The following PHLPP2 variants were observed in gnomAD, a reference collection of about 807,000 sequenced individuals.
The protein encoded by PHLPP2 is PH domain leucine-rich repeat-containing protein phosphatase 2.
PHLPP2 carries 66 observed loss-of-function variants against 124.9 expected under a neutral mutation model. That is an observed-to-expected ratio of 0.53 (90% confidence interval 0.43 to 0.65). The LOEUF (loss-of-function observed/expected upper bound fraction) is 0.65, where lower values mean the gene tolerates loss of function less well. Among genes scored for constraint, PHLPP2 ranks in the 30% least tolerant of loss-of-function variants. The pLI, the probability that PHLPP2 is intolerant of heterozygous loss-of-function variation, is 0.00. For missense variants in PHLPP2, 1,685 were observed against 1,600.4 expected (o/e 1.05, Z -0.90); for synonymous variants, 681 against 624.7 (o/e 1.09, Z -1.34).
intron 2 of PHLPP2, among the ~76,000 whole-genome samples, chr16:71,712,041 G>A (rs1248537990): frequency 6.6e-6 from 1 of 152,222 alleles, no homozygotes; most frequent in African/African-American, 2.4e-5. Context: ...CCTTGAGCAG[G>A]TTACTGAATC....
At chr16:71,693,095 C>A (rs1166175245) in intron 3 of PHLPP2, among the ~76,000 whole-genome samples, 1 of 152,046 alleles carries the variant, frequency 6.6e-6, no homozygotes. Flanking sequence ...TCAAGACCAG[C>A]CTGACCAACA....
intron 17 of PHLPP2, 152 bp downstream of exon 17, chr16:71,655,088 C>T: frequency 3.3e-6 from 2 of 610,490 alleles, no homozygotes; most frequent in South Asian, 4.3e-5. Flanking sequence ...TCCCCGCACT[C>T]CATGCTCATA....
At chr16:71,695,328 C>T (rs2045158831) in intron 3 of PHLPP2, among the ~76,000 whole-genome samples, 1 of 152,150 alleles carries the variant, frequency 6.6e-6, no homozygotes, top group South Asian at 2.1e-4. Context: ...CCGTCCAAAA[C>T]TGGAAACAAA....
intron 10 of PHLPP2, among the ~76,000 whole-genome samples, chr16:71,670,377 T>C (rs981680302): frequency 1.1e-4 from 16 of 151,984 alleles, no homozygotes; most frequent in African/African-American, 3.4e-4. Context: ...AAAAGAAACA[T>C]GGCCAAAGTG....
chr16:71,678,790 C>T lies in PHLPP2; in HGVS notation c.1233G>A (p.Leu411=). ...CATGCTTGATATGGTTCATCCTATT[C>T]AGCACCCCTAAGTTCAGGACTTCCA... The part of the protein sequence containing the change: ...NCLEVLNLGV[L]NRMNHIKHVD... Residue 411 remains leucine, a synonymous_variant, in exon 8 of 19, where the codon CTG becomes CTA. Transcript: ENST00000568954. The T allele has an allele frequency of 6.2e-7, 1 of 1,607,322 alleles. No individual in the cohort carries two copies. Among genetic ancestry groups the T allele is most frequent in the Non-Finnish European group, 8.5e-7 (1 of 1,173,838 alleles).
intron 2 of PHLPP2, among the ~76,000 whole-genome samples, chr16:71,710,172 C>A (rs1281149814): frequency 6.6e-6 from 1 of 152,110 alleles, no homozygotes; most frequent in African/African-American, 2.4e-5. Flanking sequence ...ATAAGTCTCT[C>A]TGGACCTTGC....
At chr16:71,707,014 C>T (rs935571851) in intron 2 of PHLPP2, among the ~76,000 whole-genome samples, 62 of 125,360 alleles carry the variant, frequency 4.9e-4, no homozygotes, top group African/African-American at 1.7e-3. Flanking sequence ...AGTGCAGTGG[C>T]GCAATCTCGG....
chr16:71,670,455 A>G (rs2044881439), intron 10 of PHLPP2, among the ~76,000 whole-genome samples: 1 of 152,204 alleles, frequency 6.6e-6, no homozygotes, highest in Admixed American at 6.5e-5. Context: ...AGAGAGCAAA[A>G]TTAACTGTGT....
At chr16:71,719,868 G>A (rs1051824112) in intron 1 of PHLPP2, among the ~76,000 whole-genome samples, 2 of 151,672 alleles carry the variant, frequency 1.3e-5, no homozygotes, top group African/African-American at 4.8e-5. Flanking sequence ...CACGATCTCG[G>A]CTCACCGCAA....
intron 13 of PHLPP2, 72 bp downstream of exon 13, chr16:71,663,827 G>T: frequency 3.5e-6 from 4 of 1,133,350 alleles, no homozygotes; most frequent in South Asian, 1.3e-5. Context: ...TAGTCAGATG[G>T]CTATATTTTT....
chr16:71,706,253 T>C (rs1164347891), intron 2 of PHLPP2, among the ~76,000 whole-genome samples: 2 of 150,266 alleles, frequency 1.3e-5, no homozygotes, highest in African/African-American at 2.4e-5. Context: ...CATATGGTAA[T>C]TTCTCTCCAA....
chr16:71,679,436 G>A lies in PHLPP2; in HGVS notation c.990C>T (p.Ser330=), dbSNP rs1357234261. 2 of 1,613,742 alleles carry A rather than the reference G, an allele frequency of 1.2e-6. No individual in the cohort carries two copies. Among genetic ancestry groups the A allele is most frequent in the East Asian group, 4.5e-5 (2 of 44,874 alleles). The change falls in exon 7 of 19, where the codon TCC becomes TCT. Residue 330 remains serine, a synonymous_variant. Coordinates refer to ENST00000568954, the MANE Select transcript of PHLPP2 (RefSeq NM_015020.3). The part of the protein sequence containing the change: ...EISTLTELNL[S]CNGFHDLPSQ... Reference sequence around the variant, plus strand: ...TTGGTAGGTCATGAAATCCATTACAGGAAAGGTTGAGCTCAGTCAGGGTAG... The same window carrying A: ...TTGGTAGGTCATGAAATCCATTACAAGAAAGGTTGAGCTCAGTCAGGGTAG...
In PHLPP2 at chr16:71,658,793, A is replaced by C; in HGVS notation, c.2008T>G (p.Leu670Val). ...TTGCCACTTAGGTTCAGTTCCTCCA[A>C]TTGCTCCAATTTATTTAGTTTGCTG... ...PASKLNKLEQLEELNLSGNKL... is the reference protein window; with the variant it reads ...PASKLNKLEQVEELNLSGNKL... The change falls in exon 14 of 19, where the codon TTG (leucine) becomes GTG (valine). Residue 670 changes from leucine (L) to valine (V), a missense_variant. Leu to Val is a conservative substitution (Grantham distance 32, BLOSUM62 1). Coordinates refer to ENST00000568954, the MANE Select transcript of PHLPP2 (RefSeq NM_015020.3). 6.2e-7 allele frequency: 1 copy of C among 1,614,092 alleles called. No individual in the cohort carries two copies. The highest frequency in any genetic ancestry group is 1.1e-5 in the South Asian group (1 of 91,078).
chr16:71,706,626 T>C (rs1023759163), intron 2 of PHLPP2, among the ~76,000 whole-genome samples: 2 of 152,180 alleles, frequency 1.3e-5, no homozygotes, highest in Admixed American at 1.3e-4. Context: ...CAACAAATGT[T>C]TATTTCATAC....
At chr16:71,711,885 C>G (rs2145380414) in intron 2 of PHLPP2, among the ~76,000 whole-genome samples, 1 of 152,320 alleles carries the variant, frequency 6.6e-6, no homozygotes, top group South Asian at 2.1e-4. Context: ...TAAAAACAAT[C>G]TTGAAATAAG....
intron 18 of PHLPP2, among the ~76,000 whole-genome samples, chr16:71,651,595 T>C (rs1203280618): frequency 6.6e-6 from 1 of 152,210 alleles, no homozygotes; most frequent in African/African-American, 2.4e-5. Context: ...TCATTTGTTT[T>C]GACTGAAAGA....
At position 71,650,063 on chromosome 16, in the gene PHLPP2, C is replaced by T. The variant is rs751265135; in HGVS notation, c.2818-19G>A. 6.3e-7 allele frequency: 1 copy of T among 1,584,462 alleles called. No individual in the cohort carries two copies. The highest frequency in any genetic ancestry group is 8.6e-7 in the Non-Finnish European group (1 of 1,166,116). ...TGTTGTCCTACAGAAGAGCAGGACA[C>T]AAATTCTGAGAAACAAGCAACGATG... On this transcript the variant is annotated intron_variant, in intron 18 of 18. Coordinates refer to ENST00000568954, the MANE Select transcript of PHLPP2 (RefSeq NM_015020.3).
chr16:71,667,417 ATTAG>A (rs969611079), intron 11 of PHLPP2, 84 bp from the exon 12 acceptor site: 84 of 1,042,306 alleles, frequency 8.1e-5, no homozygotes, highest in African/African-American at 5.9e-4. Context: ...TTTAACTGAA[ATTAG>A]TTAACTTATA....
At chr16:71,709,970 G>A (rs893990927) in intron 2 of PHLPP2, among the ~76,000 whole-genome samples, 7 of 151,964 alleles carry the variant, frequency 4.6e-5, no homozygotes, top group Non-Finnish European at 8.8e-5. Flanking sequence ...AGAAGTGCGC[G>A]CACTGGAACC....
Sources: allele counts gnomAD v4.1 joint callset (sites outside exome capture counted in the v4.1 genomes callset), GRCh38; gene constraint gnomAD v4.1.1; transcripts MANE v1.5; gene names NCBI Gene and HGNC (gene_info 2026-07-23, HGNC 2026-07-21).